SERGEF: variants seen among roughly 807,000 people sequenced by gnomAD.
The protein encoded by SERGEF is secretion-regulating guanine nucleotide exchange factor.
Under a neutral mutation model 50.0 loss-of-function variants are expected in SERGEF, and 51 were observed. The observed-to-expected ratio is 1.02, with a 90% CI of 0.81 to 1.29. The LOEUF (loss-of-function observed/expected upper bound fraction) is 1.29, where lower values mean the gene tolerates loss of function less well. SERGEF is among the 50% of genes most tolerant of loss of function. SERGEF has a pLI of 0.00. For synonymous variants in SERGEF, 205 were observed against 212.4 expected, an observed-to-expected ratio of 0.97 and a Z score of 0.30; for missense variants, 521 against 557.0, an observed-to-expected ratio of 0.94 and a Z score of 0.65.
At chr11:17,952,936 T>G (rs1034807932) in intron 9 of SERGEF, among the ~76,000 whole-genome samples, 1 of 152,166 alleles carries the variant, frequency 6.6e-6, no homozygotes, top group Non-Finnish European at 1.5e-5. Context: ...TCTATCTGGC[T>G]GCTCTTCCTC....
chr11:17,995,757 C>T (rs1188576546), intron 6 of SERGEF, 39 bp downstream of exon 6: 7 of 1,392,702 alleles, frequency 5.0e-6, no homozygotes, highest in Admixed American at 3.5e-5. Context: ...TACTTCCTGA[C>T]AAAGAACAAA....
At chr11:17,892,395 C>CA (rs1465661661) in intron 9 of SERGEF, among the ~76,000 whole-genome samples, 1 of 152,176 alleles carries the variant, frequency 6.6e-6, no homozygotes, top group Non-Finnish European at 1.5e-5. Flanking sequence ...CATGAGAACT[C>CA]ACCCAGGCTA....
intron 9 of SERGEF, among the ~76,000 whole-genome samples, chr11:17,881,481 G>T (rs1168481264): frequency 6.6e-6 from 1 of 152,204 alleles, no homozygotes; most frequent in Non-Finnish European, 1.5e-5. Context: ...CAAAATCCCA[G>T]TGTTATACTC....
chr11:17,977,393 G>A (rs1166183257), intron 8 of SERGEF, among the ~76,000 whole-genome samples: 2 of 152,134 alleles, frequency 1.3e-5, no homozygotes, highest in Non-Finnish European at 2.9e-5. Context: ...AGAAAGAACT[G>A]CTAGAACACA....
intron 10 of SERGEF, among the ~76,000 whole-genome samples, chr11:17,871,584 A>G (rs1332192729): frequency 6.6e-6 from 1 of 152,190 alleles, no homozygotes; most frequent in African/African-American, 2.4e-5. Flanking sequence ...TAAGAGAAAC[A>G]TAGACAAAAC....
intron 3 of SERGEF, among the ~76,000 whole-genome samples, chr11:18,005,363 G>A (rs935890511): frequency 2.0e-5 from 3 of 152,156 alleles, no homozygotes; most frequent in African/African-American, 7.2e-5. Flanking sequence ...TTTTAAAGCT[G>A]GGATTCGAGT....
chr11:17,833,202 C>T (rs1256371885), intron 10 of SERGEF, among the ~76,000 whole-genome samples: 8 of 152,164 alleles, frequency 5.3e-5, no homozygotes, highest in African/African-American at 1.7e-4. Context: ...AGCCTAGGGA[C>T]TTGGTGCTCT....
chr11:17,886,938 A>G (rs1252144586), intron 9 of SERGEF, among the ~76,000 whole-genome samples: 1 of 152,160 alleles, frequency 6.6e-6, no homozygotes, highest in African/African-American at 2.4e-5. Context: ...GCATAGATTG[A>G]CCACAGCCTG....
intron 10 of SERGEF, among the ~76,000 whole-genome samples, chr11:17,806,516 T>C (rs1849759702): frequency 6.6e-6 from 1 of 152,200 alleles, no homozygotes; most frequent in Non-Finnish European, 1.5e-5. Context: ...AACTAAGTGG[T>C]GGAGCCAGGA....
chr11:17,989,889 G>A (rs543356253), intron 7 of SERGEF, among the ~76,000 whole-genome samples: 1 of 152,284 alleles, frequency 6.6e-6, no homozygotes, highest in East Asian at 1.9e-4. Context: ...GATATACTGG[G>A]TTAAGTAGAT....
intron 9 of SERGEF, among the ~76,000 whole-genome samples, chr11:17,904,867 G>A (rs976693972): frequency 7.9e-5 from 12 of 152,188 alleles, no homozygotes; most frequent in African/African-American, 2.7e-4. Flanking sequence ...CTGGATGCCT[G>A]ATTCCCTGGG....
At chr11:17,886,330 C>T (rs1268905738) in intron 9 of SERGEF, among the ~76,000 whole-genome samples, 1 of 152,158 alleles carries the variant, frequency 6.6e-6, no homozygotes, top group African/African-American at 2.4e-5. Context: ...GTTCTTCAAG[C>T]TGGACACGGT....
At chr11:18,011,692 T>A (rs1854199738) in intron 1 of SERGEF, among the ~76,000 whole-genome samples, 1 of 152,178 alleles carries the variant, frequency 6.6e-6, no homozygotes, top group South Asian at 2.1e-4. Context: ...TTACAACCTT[T>A]AATATTCGGC....
intron 9 of SERGEF, among the ~76,000 whole-genome samples, chr11:17,900,784 G>A (rs1851735357): frequency 6.6e-6 from 1 of 152,116 alleles, no homozygotes; most frequent in Admixed American, 6.5e-5. Context: ...ACTGGCCTTA[G>A]GAAATACCAA....
chr11:18,006,266 C>T (rs894485450), intron 3 of SERGEF, among the ~76,000 whole-genome samples: 2 of 152,186 alleles, frequency 1.3e-5, no homozygotes, highest in African/African-American at 2.4e-5. Context: ...TCAAGTGATT[C>T]GCCTGCCTCG....
chr11:17,921,652 G>A (rs1392140973), intron 9 of SERGEF, among the ~76,000 whole-genome samples: 2 of 152,206 alleles, frequency 1.3e-5, no homozygotes, highest in African/African-American at 2.4e-5. Context: ...CTATGAGGGT[G>A]CAGACAAAGA....
At position 17,857,674 on chromosome 11, in the gene SERGEF, C is replaced by T. The variant is rs1270783456; in HGVS notation, c.1048+20534G>A. The stretch of plus-strand genomic sequence containing the variant: ...ACAAAACTCACAAATACAAAGGCCA[C>T]GGTGCCAAGGCTTCAGCTTTGAGTG... On this transcript the variant is annotated intron_variant, in intron 10 of 10. Coordinates refer to ENST00000265965, the MANE Select transcript of SERGEF (RefSeq NM_012139.4). 3.3e-5 allele frequency among the ~76,000 whole-genome samples: 5 copies of T among 152,322 alleles called. No homozygotes were observed. The East Asian group carries it at 7.7e-4, about 23-fold the overall frequency.
intron 10 of SERGEF, among the ~76,000 whole-genome samples, chr11:17,807,369 C>T (rs1473483147): frequency 1.3e-5 from 2 of 152,082 alleles, no homozygotes; most frequent in Non-Finnish European, 2.9e-5. Context: ...CATGCAACAA[C>T]AACACAACCC....
chr11:17,864,309 C>A (rs545839213), intron 10 of SERGEF, among the ~76,000 whole-genome samples: 12 of 152,124 alleles, frequency 7.9e-5, no homozygotes, highest in South Asian at 2.1e-4. Context: ...AGTATGGGAG[C>A]CTCCTCAACA....
Sources: gnomAD v4.1 joint callset for allele counts (sites outside exome capture counted in the v4.1 genomes callset) on GRCh38, gnomAD v4.1.1 for gene constraint, MANE v1.5 for transcripts, NCBI Gene and HGNC (gene_info 2026-07-23, HGNC 2026-07-21) for gene names.